The following MCOLN2 variants were observed in gnomAD, a reference collection of about 807,000 sequenced individuals.
MCOLN2 encodes mucolipin-2.
A neutral mutation model predicts 67.5 loss-of-function variants in MCOLN2; 57 were observed. That is an observed-to-expected ratio of 0.84 (90% CI 0.68 to 1.05). The LOEUF (loss-of-function observed/expected upper bound fraction) is 1.05, where lower values mean the gene tolerates loss of function less well. Ranked by LOEUF, MCOLN2 falls within the 50% of genes least tolerant of loss-of-function variation. MCOLN2 has a pLI of 0.00. For synonymous variants in MCOLN2, 246 were observed against 233.3 expected (o/e 1.05, Z -0.50); for missense variants, 620 against 678.8 (o/e 0.91, Z 0.96).
At chr1:84,993,400 T>C (rs1650988189) in intron 1 of MCOLN2, among the ~76,000 whole-genome samples, 1 of 152,222 alleles carries the variant, frequency 6.6e-6, no homozygotes, top group Non-Finnish European at 1.5e-5. Flanking sequence ...TCTACTGAAA[T>C]CTGGACCCCT....
intron 13 of MCOLN2, among the ~76,000 whole-genome samples, chr1:84,927,218 GA>G (rs1287569110): frequency 7.0e-6 from 1 of 143,112 alleles, no homozygotes; most frequent in Non-Finnish European, 1.5e-5. Context: ...AAAAAAAAAA[GA>G]AAAATATATG....
intron 11 of MCOLN2, among the ~76,000 whole-genome samples, chr1:84,935,003 T>C (rs566237505): frequency 6.6e-6 from 1 of 152,322 alleles, no homozygotes; most frequent in East Asian, 1.9e-4. Context: ...AAAGAAAGAA[T>C]TAGCTTTCAC....
At chr1:84,947,721 G>A (rs997538297) in intron 6 of MCOLN2, among the ~76,000 whole-genome samples, 1 of 152,240 alleles carries the variant, frequency 6.6e-6, no homozygotes, top group African/African-American at 2.4e-5. Context: ...TGTGACCTAA[G>A]CTGCTATGGC....
In MCOLN2 at chr1:84,989,845, T is replaced by C. The variant is rs190774496; in HGVS notation, c.77+6951A>G. 4.1e-4 allele frequency among the ~76,000 whole-genome samples: 62 copies of C among 152,272 alleles called. No individual in the cohort carries two copies. In the East Asian group the frequency reaches 9.5e-3, roughly 23 times the overall value. On this transcript the variant is annotated intron_variant, in intron 1 of 13. Transcript: ENST00000370608. ...AATCCAATGTAATAGGCAATGAATC[T>C]GAACAAGCCAGTGAACATTGAACAA...
At chr1:84,980,844 G>C (rs1650219111) in intron 1 of MCOLN2, among the ~76,000 whole-genome samples, 1 of 152,058 alleles carries the variant, frequency 6.6e-6, no homozygotes, top group Non-Finnish European at 1.5e-5. Flanking sequence ...GCACAGCAAA[G>C]GAAACAATCA....
Position 84,931,391 on chromosome 1 carries a change from G to A in MCOLN2, c.1513C>T (p.Leu505Phe). 2 of 1,590,396 alleles carry A rather than the reference G, an allele frequency of 1.3e-6. No homozygotes were observed. The highest frequency in any genetic ancestry group is 1.7e-4 in the Middle Eastern group (1 of 6,020). The change falls in exon 12 of 14, where the codon CTT (leucine) becomes TTT (phenylalanine). Residue 505 changes from leucine (L) to phenylalanine (F), a missense_variant. Physicochemically the swap from Leu to Phe is conservative, Grantham distance 22. Transcript: ENST00000370608. ...ATGGTGTCATAAGAATCTGTAATAA[G>A]TGCAATAAAAAGACTGAGAATCATA... ...IYMILSLFIA[L>F]ITDSYDTIKK...
At chr1:84,987,935 A>T (rs1273919705) in intron 1 of MCOLN2, among the ~76,000 whole-genome samples, 1 of 152,086 alleles carries the variant, frequency 6.6e-6, no homozygotes, top group East Asian at 1.9e-4. Context: ...AATGGCGTAA[A>T]AGATAAAAGA....
intron 9 of MCOLN2, 42 bp from the exon 10 acceptor site, chr1:84,938,124 T>C (rs750555371): frequency 4.2e-6 from 6 of 1,431,852 alleles, no homozygotes; most frequent in Non-Finnish European, 5.9e-6. Flanking sequence ...GAGTAAAATA[T>C]TTGACTCCAC....
At chr1:84,968,186 G>T (rs1649476709) in intron 1 of MCOLN2, among the ~76,000 whole-genome samples, 1 of 152,068 alleles carries the variant, frequency 6.6e-6, no homozygotes, top group Admixed American at 6.6e-5. Flanking sequence ...CCAAATCAAA[G>T]AAAAGAAAAA....
intron 7 of MCOLN2, among the ~76,000 whole-genome samples, chr1:84,946,219 C>T (rs1313912435): frequency 3.3e-5 from 5 of 152,216 alleles, no homozygotes; most frequent in Non-Finnish European, 2.9e-5. Flanking sequence ...TTTTCCTACT[C>T]TGCCCCACTC....
intron 2 of MCOLN2, among the ~76,000 whole-genome samples, chr1:84,964,295 A>C (rs1001969635): frequency 2.0e-5 from 3 of 152,218 alleles, no homozygotes; most frequent in Non-Finnish European, 2.9e-5. Flanking sequence ...CCATTTCTAA[A>C]ACTAAAGGTA....
At position 84,956,494 on chromosome 1, in the gene MCOLN2, A is replaced by C; in HGVS notation, c.502T>G (p.Tyr168Asp). The change falls in exon 4 of 14, where the codon TAC becomes GAC. Residue 168 changes from tyrosine (Y) to aspartate (D), a missense_variant. Coordinates refer to ENST00000370608, the MANE Select transcript of MCOLN2 (RefSeq NM_153259.4). ...GAAGGAAACATGGTCCCTTTCTTGT[A>C]ATGCTGCTTACAGACTTTTAAGCCA... ...RIGLKVCKQHYKKGTMFPSNE... is the reference protein window; with the variant it reads ...RIGLKVCKQHDKKGTMFPSNE... The C allele has an allele frequency of 4.3e-6, 7 of 1,611,988 alleles. No individual in the cohort carries two copies. Among genetic ancestry groups the C allele is most frequent in the Non-Finnish European group, 5.9e-6 (7 of 1,179,296 alleles).
chr1:84,982,074 GT>G lies in MCOLN2; in HGVS notation c.77+14721del, dbSNP rs11461473. On this transcript the variant is annotated intron_variant, in intron 1 of 13. Transcript: ENST00000370608. ...ACACTCTAAATGTTGTTAGCCATGG[GT>G]TTTTTTTTTTTTAAAAAAAAGATGA... is the stretch of plus-strand genomic sequence containing the variant. Among the ~76,000 whole-genome samples, 90 of 118,026 alleles carry G rather than the reference GT, an allele frequency of 7.6e-4. 2 individuals are homozygous for G. The East Asian group carries it at 8.7e-3, about 11-fold the overall frequency. 77.4% of individuals were successfully genotyped at this position (118,026 alleles called of 152,430 possible).
intron 1 of MCOLN2, among the ~76,000 whole-genome samples, chr1:84,966,431 A>C (rs1649385845): frequency 6.6e-6 from 1 of 152,114 alleles, no homozygotes; most frequent in Non-Finnish European, 1.5e-5. Flanking sequence ...ATGAATTGTA[A>C]GTGAGTGAGT....
chr1:84,972,426 T>C (rs770981233), intron 1 of MCOLN2, among the ~76,000 whole-genome samples: 8 of 152,150 alleles, frequency 5.3e-5, no homozygotes, highest in Non-Finnish European at 1.0e-4. Context: ...AAAAAAAGCA[T>C]AGTATTTGAA....
intron 1 of MCOLN2, among the ~76,000 whole-genome samples, chr1:84,973,501 A>T (rs1453304122): frequency 1.3e-5 from 2 of 152,056 alleles, no homozygotes. Flanking sequence ...AAAACAAAAC[A>T]TCAGGTGCCT....
chr1:84,939,486 G>A (rs911527577), intron 9 of MCOLN2, 67 bp downstream of exon 9: 32 of 1,490,882 alleles, frequency 2.1e-5, no homozygotes, highest in Middle Eastern at 3.5e-4. Context: ...AGGATGGTAC[G>A]TCTTAAGATG....
chr1:84,971,285 C>A (rs1649668071), intron 1 of MCOLN2, among the ~76,000 whole-genome samples: 2 of 151,880 alleles, frequency 1.3e-5, no homozygotes, highest in African/African-American at 4.8e-5. Context: ...GATGAGATAG[C>A]TGTTTTTTAA....
intron 1 of MCOLN2, among the ~76,000 whole-genome samples, chr1:84,967,262 C>T (rs529154188): frequency 2.6e-5 from 4 of 152,294 alleles, no homozygotes; most frequent in Admixed American, 6.5e-5. Context: ...TAATCCATCC[C>T]AAGTCTTTCC....
Sources: allele counts gnomAD v4.1 joint callset (sites outside exome capture counted in the v4.1 genomes callset), GRCh38; gene constraint gnomAD v4.1.1; transcripts MANE v1.5; gene names NCBI Gene and HGNC (gene_info 2026-07-23, HGNC 2026-07-21).